CUBN: variants seen among roughly 807,000 people sequenced by gnomAD.
CUBN encodes cubilin.
CUBN carries 282 observed loss-of-function variants against 405.3 expected under a neutral mutation model. The observed-to-expected ratio is 0.70, with a 90% CI of 0.63 to 0.77. CUBN has a LOEUF of 0.77. Ranked by LOEUF, CUBN falls within the 30% of genes least tolerant of loss-of-function variation. The probability of loss-of-function intolerance (pLI) is 0.00; values close to 1 mark genes in which losing one functional copy is unlikely to be tolerated. For synonymous variants in CUBN, 1,684 were observed against 1,617.0 expected (o/e 1.04, Z -0.99); for missense variants, 4,514 against 4,475.2 (o/e 1.01, Z -0.25).
At chr10:16,904,323 G>C (rs1018641577) in intron 50 of CUBN, among the ~76,000 whole-genome samples, 1 of 152,146 alleles carries the variant, frequency 6.6e-6, no homozygotes, top group Admixed American at 6.5e-5. Flanking sequence ...AAAAATCAAA[G>C]CAATTTTGAA....
Position 16,835,146 on chromosome 10 carries a change from T to A in CUBN, c.10230A>T (p.Gly3410=). The A allele has an allele frequency of 6.2e-7, 1 of 1,614,152 alleles. No individual in the cohort carries two copies. The highest frequency in any genetic ancestry group is 8.5e-7 in the Non-Finnish European group (1 of 1,179,990). Residue 3410 remains glycine (G), a synonymous_variant, in exon 64 of 67, where the codon GGA becomes GGT. Transcript: ENST00000377833. ...HKAFGNLRSP[G]WPDNYDNDKD... is the part of the protein sequence containing the mutation. The stretch of plus-strand genomic sequence containing the variant: ...TGTCATTGTCGTAGTTATCTGGCCA[T>A]CCAGGGCTTCTCAGGTTGCCAAATG...
At chr10:17,056,259 T>G (rs1303521427) in intron 22 of CUBN, among the ~76,000 whole-genome samples, 1 of 152,026 alleles carries the variant, frequency 6.6e-6, no homozygotes, top group Admixed American at 6.6e-5. Flanking sequence ...ACTCACACCA[T>G]ATAGAAAAAT....
intron 27 of CUBN, among the ~76,000 whole-genome samples, chr10:17,023,379 GA>G (rs137856627): frequency 0.26 from 37,610 of 142,102 alleles, 5,012 homozygotes; most frequent in East Asian, 0.36. Context: ...TCTCGAAAAG[GA>G]AAAAAAAAAA....
Position 16,937,759 on chromosome 10 carries a change from G to A in CUBN, c.5759C>T (p.Ala1920Val). 4 of 1,614,018 alleles carry A rather than the reference G, an allele frequency of 2.5e-6. No homozygotes were observed. The highest frequency in any genetic ancestry group is 3.4e-6 in the Non-Finnish European group (4 of 1,179,968). ...LRIYDGPSIH[A>V]RLIGAYCGTQ... is the part of the protein sequence containing the mutation. Reference sequence around the variant, plus strand: ...ACCACAGTAAGCTCCAATTAGGCGGGCGTGAATGCTAGGCCCATCATAGAT... The same window carrying A: ...ACCACAGTAAGCTCCAATTAGGCGGACGTGAATGCTAGGCCCATCATAGAT... Residue 1920 changes from alanine (A) to valine (V), a missense_variant, in exon 39 of 67, where the codon GCC becomes GTC. By Grantham distance (64) the Ala-to-Val change is moderately conservative (BLOSUM62 0). Around this residue, in one of 5 missense-constraint regions of CUBN, gnomAD observed 1,613 missense variants for 1,542.8 expected, o/e 1.05. Transcript: ENST00000377833.
intron 31 of CUBN, among the ~76,000 whole-genome samples, chr10:16,981,178 G>GACACACACACACACACACACAC (rs1401865880): frequency 0.036 from 5,245 of 145,224 alleles, 161 homozygotes; most frequent in Non-Finnish European, 0.05. Context: ...AGACTCAGCA[G>GACACACACACACACACACACAC]ACACACACAC....
chr10:17,091,741 A>AT (rs769389551), intron 14 of CUBN, among the ~76,000 whole-genome samples: 6 of 152,244 alleles, frequency 3.9e-5, no homozygotes, highest in Admixed American at 6.5e-5. Flanking sequence ...TGAAAAGATT[A>AT]TTTTTTACCA....
intron 59 of CUBN, among the ~76,000 whole-genome samples, chr10:16,862,623 A>T (rs1331909219): frequency 1.3e-5 from 2 of 152,198 alleles, no homozygotes; most frequent in Non-Finnish European, 2.9e-5. Context: ...CTAACAGTTT[A>T]TTTATAACAA....
chr10:16,965,393 C>G lies in CUBN; in HGVS notation c.4696-10845G>C, dbSNP rs150471668. On this transcript the variant is annotated intron_variant, in intron 31 of 66. Coordinates refer to ENST00000377833, the MANE Select transcript of CUBN (RefSeq NM_001081.4). The stretch of plus-strand genomic sequence containing the variant: ...TGCTTTGCCTAAGCACTAAAGACCA[C>G]GTGATTGACGTGGACGTGATGCAGA... Among the ~76,000 whole-genome samples the G allele has an allele frequency of 4.4e-3, 665 of 152,234 alleles. 2 individuals are homozygous for G. Among genetic ancestry groups the G allele is most frequent in the African/African-American group, 0.015 (629 of 41,548 alleles).
intron 54 of CUBN, among the ~76,000 whole-genome samples, chr10:16,894,717 G>A (rs930601119): frequency 6.6e-6 from 1 of 152,250 alleles, no homozygotes; most frequent in African/African-American, 2.4e-5. Context: ...GGAAAAAGTT[G>A]TCTATGCCTA....
intron 59 of CUBN, among the ~76,000 whole-genome samples, chr10:16,855,412 C>T (rs1839842911): frequency 6.6e-6 from 1 of 152,038 alleles, no homozygotes; most frequent in Non-Finnish European, 1.5e-5. Context: ...ACGTTTTGTT[C>T]TTGTTTTTAT....
At chr10:16,836,905 T>A (rs536421078) in intron 62 of CUBN, among the ~76,000 whole-genome samples, 1 of 152,154 alleles carries the variant, frequency 6.6e-6, no homozygotes, top group Non-Finnish European at 1.5e-5. Context: ...GCAGCCCTCA[T>A]CACCTCTCAA....
rs77583835 is a variant in CUBN at position 16,898,364 on chromosome 10, C to A, written c.8598+632G>T. 1.1e-3 allele frequency among the ~76,000 whole-genome samples: 161 copies of A among 152,158 alleles called. 3 individuals carry two copies. In the East Asian group the frequency reaches 0.025, roughly 23 times the overall value. The stretch of plus-strand genomic sequence containing the variant: ...TTTAAGTAGCTCAGAGAAGAACATG[C>A]AGGTGGTAGGTATGACAGACATGAA... On this transcript the variant is annotated intron_variant, in intron 54 of 66. Coordinates refer to ENST00000377833, the MANE Select transcript of CUBN (RefSeq NM_001081.4).
intron 28 of CUBN, among the ~76,000 whole-genome samples, chr10:17,011,747 G>A (rs1002537195): frequency 2.6e-5 from 4 of 152,132 alleles, no homozygotes; most frequent in African/African-American, 2.4e-5. Context: ...TGATCGGTGC[G>A]TTTACAAACC....
Position 17,068,585 on chromosome 10 carries a change from A to G in CUBN, c.2791+20T>C. ...ATACAAGCCCAAGAGGAGGAAAAAA[A>G]AAAGGGAACAGTCTCTTACCCAAAT... On this transcript the variant is annotated intron_variant, in intron 20 of 66. Coordinates refer to ENST00000377833, the MANE Select transcript of CUBN (RefSeq NM_001081.4). 7 of 1,595,772 alleles carry G rather than the reference A, an allele frequency of 4.4e-6. No homozygotes were observed. Among genetic ancestry groups the G allele is most frequent in the Non-Finnish European group, 4.3e-6 (5 of 1,166,350 alleles).
At position 17,047,606 on chromosome 10, in the gene CUBN, G is replaced by A. The variant is rs1257121513; in HGVS notation, c.3140-3C>T. ...ATCTGTGTAGTCTTGCAAACATGCT[G>A]TGAACAGAAACAGACCATAAGAGAG... On this transcript the variant is annotated splice_polypyrimidine_tract_variant and splice_region_variant and intron_variant, in intron 22 of 66. Coordinates refer to ENST00000377833, the MANE Select transcript of CUBN (RefSeq NM_001081.4). 4.3e-6 allele frequency: 7 copies of A among 1,612,998 alleles called. No individual in the cohort carries two copies. In the South Asian group the frequency reaches 7.7e-5, roughly 18 times the overall value.
At chr10:16,974,413 C>G (rs1306230426) in intron 31 of CUBN, among the ~76,000 whole-genome samples, 1 of 151,962 alleles carries the variant, frequency 6.6e-6, no homozygotes, top group Non-Finnish European at 1.5e-5. Context: ...CTGGGATTTT[C>G]CAACTACAAT....
rs562856039 is a variant in CUBN, at chr10:17,102,115, T to C, written c.1530+1010A>G. ...AACCAGTGTAGAGAATCATTCATGC[T>C]GGAGAAAGCATGGACTTTGGAACCA... On this transcript the variant is annotated intron_variant, in intron 13 of 66. Coordinates refer to ENST00000377833, the MANE Select transcript of CUBN (RefSeq NM_001081.4). 2.1e-4 allele frequency among the ~76,000 whole-genome samples: 32 copies of C among 152,266 alleles called. No homozygotes were observed. The South Asian group carries it at 6.6e-3, about 32-fold the overall frequency.
chr10:16,945,560 G>C (rs1014333484), intron 36 of CUBN, among the ~76,000 whole-genome samples: 2 of 152,060 alleles, frequency 1.3e-5, no homozygotes, highest in African/African-American at 2.4e-5. Context: ...TTGAAGTTGG[G>C]AGTTCGAGAC....
intron 48 of CUBN, among the ~76,000 whole-genome samples, chr10:16,912,482 G>A (rs1385307091): frequency 3.3e-5 from 5 of 152,204 alleles, no homozygotes; most frequent in African/African-American, 1.2e-4. Context: ...TCAAAATGAT[G>A]TATGGCAGCA....
Sources: gnomAD v4.1 joint callset for allele counts (sites outside exome capture counted in the v4.1 genomes callset) on GRCh38, gnomAD v4.1.1 for gene constraint, gnomAD v4.1.1 regional missense constraint, MANE v1.5 for transcripts, NCBI Gene and HGNC (gene_info 2026-07-23, HGNC 2026-07-21) for gene names.